The following CLIP4 variants were observed in gnomAD, a reference collection of about 807,000 sequenced individuals.
CLIP4 encodes CAP-Gly domain containing linker protein family member 4, also known as CAP-Gly domain-containing linker protein 4.
Under a neutral mutation model 73.1 loss-of-function variants are expected in CLIP4, and 47 were observed. That is an observed-to-expected ratio of 0.64 (90% CI 0.51 to 0.82). CLIP4 has a LOEUF of 0.82. Among genes scored for constraint, CLIP4 ranks in the 40% least tolerant of loss-of-function variants. The pLI, the probability that CLIP4 is intolerant of heterozygous loss-of-function variation, is 0.00. For synonymous variants in CLIP4, 306 were observed against 295.4 expected, an observed-to-expected ratio of 1.04 and a Z score of -0.37; for missense variants, 874 against 852.9, an observed-to-expected ratio of 1.02 and a Z score of -0.31.
intron 1 of CLIP4, among the ~76,000 whole-genome samples, chr2:29,105,203 G>A (rs917869579): frequency 6.6e-6 from 1 of 152,044 alleles, no homozygotes; most frequent in Non-Finnish European, 1.5e-5. Flanking sequence ...TTTAAATGCC[G>A]GTTGGTGTTG....
At chr2:29,127,371 A>G (rs1218913989) in intron 2 of CLIP4, among the ~76,000 whole-genome samples, 2 of 152,134 alleles carry the variant, frequency 1.3e-5, no homozygotes, top group Non-Finnish European at 2.9e-5. Context: ...CATGAAAATA[A>G]AGAATACTCA....
intron 12 of CLIP4, among the ~76,000 whole-genome samples, chr2:29,161,417 A>G (rs1181348488): frequency 6.6e-6 from 1 of 152,070 alleles, no homozygotes; most frequent in Admixed American, 6.5e-5. Context: ...TATCTAGAAC[A>G]TTGATTAAAA....
chr2:29,124,302 G>T (rs1294338330), intron 2 of CLIP4, among the ~76,000 whole-genome samples: 1 of 152,134 alleles, frequency 6.6e-6, no homozygotes, highest in Non-Finnish European at 1.5e-5. Flanking sequence ...TTCAGTACTT[G>T]AAAGATCTTG....
intron 13 of CLIP4, among the ~76,000 whole-genome samples, chr2:29,166,169 C>G (rs1459137689): frequency 2.0e-5 from 3 of 152,008 alleles, no homozygotes; most frequent in Non-Finnish European, 4.4e-5. Context: ...TAATCTGAAC[C>G]AGCTTTGGAA....
At chr2:29,112,984 G>T (rs1230359949), upstream of CLIP4, among the ~76,000 whole-genome samples, 1 of 152,216 alleles carries the variant, frequency 6.6e-6, no homozygotes, top group Non-Finnish European at 1.5e-5. Context: ...ATTCCTGAAT[G>T]CTGCTCTATG....
chr2:29,151,426 AGT>A (rs142322919), intron 8 of CLIP4, among the ~76,000 whole-genome samples: 2 of 151,350 alleles, frequency 1.3e-5, no homozygotes, highest in Non-Finnish European at 1.5e-5. Context: ...AGAGAGAGAG[AGT>A]GTGTGTGTGT....
At chr2:29,117,608 A>C (rs1050695274) in intron 1 of CLIP4, among the ~76,000 whole-genome samples, 1 of 152,244 alleles carries the variant, frequency 6.6e-6, no homozygotes, top group Non-Finnish European at 1.5e-5. Context: ...TTGGGATTAC[A>C]GGCATGAGCC....
intron 6 of CLIP4, among the ~76,000 whole-genome samples, chr2:29,137,846 G>A (rs1403145334): frequency 5.9e-5 from 9 of 151,812 alleles, no homozygotes; most frequent in Admixed American, 2.6e-4. Context: ...GTTCTTTGCC[G>A]CTTTTTAATG....
chr2:29,128,248 CAG>C (rs1347132144), intron 2 of CLIP4, among the ~76,000 whole-genome samples: 2 of 149,530 alleles, frequency 1.3e-5, no homozygotes, highest in African/African-American at 4.9e-5. Flanking sequence ...TGAAAAATCC[CAG>C]AGTTAGTCTA....
At chr2:29,174,975 T>G (rs893367474) in intron 15 of CLIP4, among the ~76,000 whole-genome samples, 4 of 152,194 alleles carry the variant, frequency 2.6e-5, no homozygotes, top group African/African-American at 9.7e-5. Flanking sequence ...CCCCATTGGT[T>G]TTCTGAAGCA....
intron 6 of CLIP4, among the ~76,000 whole-genome samples, chr2:29,140,683 T>C (rs1229952463): frequency 6.6e-6 from 1 of 152,192 alleles, no homozygotes; most frequent in East Asian, 1.9e-4. Context: ...TGAACTAGTT[T>C]ACAGTCCCAC....
At chr2:29,107,366 T>TTGTTTTG (rs1558504945) in intron 1 of CLIP4, among the ~76,000 whole-genome samples, 1 of 107,516 alleles carries the variant, frequency 9.3e-6, no homozygotes, top group African/African-American at 4.1e-5. Flanking sequence ...TAGTTTTTTT[T>TTGTTTTG]TTTTTTTTTT....
At chr2:29,103,096 G>A (rs964884444) in intron 1 of CLIP4, among the ~76,000 whole-genome samples, 5 of 152,038 alleles carry the variant, frequency 3.3e-5, no homozygotes, top group Admixed American at 1.3e-4. Context: ...CCTGGGCCTG[G>A]CATTTTTTCC....
chr2:29,155,045 A>AT (rs1483119789), intron 9 of CLIP4, among the ~76,000 whole-genome samples: 1 of 152,220 alleles, frequency 6.6e-6, no homozygotes, highest in Non-Finnish European at 1.5e-5. Context: ...CACCTCTTAC[A>AT]AGGAAAAAGA....
intron 4 of CLIP4, 83 bp from the exon 5 acceptor site, chr2:29,133,572 C>A: frequency 7.3e-7 from 1 of 1,370,938 alleles, no homozygotes; most frequent in Non-Finnish European, 9.9e-7. Flanking sequence ...TTTGCTTTGG[C>A]TTTTTAAATG....
intron 6 of CLIP4, among the ~76,000 whole-genome samples, chr2:29,140,680 G>GT (rs1290749189): frequency 6.6e-6 from 1 of 152,122 alleles, no homozygotes; most frequent in Non-Finnish European, 1.5e-5. Context: ...GGTTGAACTA[G>GT]TTTACAGTCC....
chr2:29,122,216 T>C (rs1408534973), intron 2 of CLIP4, among the ~76,000 whole-genome samples: 1 of 149,170 alleles, frequency 6.7e-6, no homozygotes, highest in Non-Finnish European at 1.5e-5. Flanking sequence ...CGTTGTAGTA[T>C]AGTAATTCCT....
intron 12 of CLIP4, among the ~76,000 whole-genome samples, chr2:29,162,088 A>G (rs1053274284): frequency 3.9e-5 from 6 of 152,126 alleles, no homozygotes; most frequent in Non-Finnish European, 7.4e-5. Context: ...CAGGTAGGTT[A>G]TTTTTTTACA....
At position 29,160,107 on chromosome 2, in the gene CLIP4, A is replaced by G. The variant is rs531103678; in HGVS notation, c.1400-226A>G. On this transcript the variant is annotated intron_variant, in intron 11 of 15. Coordinates refer to ENST00000320081, the MANE Select transcript of CLIP4 (RefSeq NM_024692.6). ...AATTTCCCATGGCAGTAATTTTCCCAGGAAACTCTTCACATTTCCTTTGAG... is the reference window on the plus strand; with the variant it reads ...AATTTCCCATGGCAGTAATTTTCCCGGGAAACTCTTCACATTTCCTTTGAG... 1.4e-4 allele frequency among the ~76,000 whole-genome samples: 22 copies of G among 152,294 alleles called. No homozygotes were observed. In the East Asian group the frequency reaches 1.6e-3, roughly 11 times the overall value.
Sources: allele counts gnomAD v4.1 joint callset (sites outside exome capture counted in the v4.1 genomes callset), GRCh38; gene constraint gnomAD v4.1.1; transcripts MANE v1.5; gene names NCBI Gene and HGNC (gene_info 2026-07-23, HGNC 2026-07-21).